The following SETD6 variants were observed in gnomAD, a reference collection of about 807,000 sequenced individuals.
The protein encoded by SETD6 is SET domain containing 6, protein lysine methyltransferase.
A neutral mutation model predicts 52.7 loss-of-function variants in SETD6; 67 were observed. The ratio of observed to expected loss-of-function variants is 1.27; its 90% CI spans 1.04 to 1.56. SETD6 has a LOEUF of 1.56. SETD6 is among the 40% of genes most tolerant of loss of function. The pLI is 0.00. For missense variants in SETD6, 712 were observed against 607.5 expected (o/e 1.17, Z -1.81); for synonymous variants, 307 against 250.2 (o/e 1.23, Z -2.14).
In SETD6 at chr16:58,516,658, T is replaced by C. The variant is rs776709426; in HGVS notation, c.657T>C (p.Leu219=). 35 of 1,613,668 alleles carry C rather than the reference T, an allele frequency of 2.2e-5. No individual in the cohort carries two copies. The highest frequency in any genetic ancestry group is 3.0e-5 in the Non-Finnish European group (35 of 1,179,836). ...SLELYHQLVA[L]VMAYSFQEPL... ...AACTCTACCACCAGCTGGTGGCCCT[T>C]GTGATGGCCTATAGGTCAGTGGGTG... Residue 219 remains leucine (L), a synonymous_variant, in exon 4 of 8, where the codon CTT becomes CTC. Coordinates refer to ENST00000219315, the MANE Select transcript of SETD6 (RefSeq NM_001160305.4).
Position 58,515,947 on chromosome 16 carries a change from G to C in SETD6, c.184G>C (p.Ala62Pro). 2.6e-6 allele frequency: 4 copies of C among 1,524,404 alleles called. No homozygotes were observed. The highest frequency in any genetic ancestry group is 3.5e-6 in the Non-Finnish European group (4 of 1,144,300). 94.4% of individuals were successfully genotyped at this position (1,524,404 alleles called of 1,614,324 possible). A position where few individuals can be genotyped will look rare whatever the true frequency, so the allele number is the denominator to read the frequency against. ...GARAALTSPPAQVAVSRQGTV... is the reference protein window; with the variant it reads ...GARAALTSPPPQVAVSRQGTV... ...GCGGGCTGCCCTGACCAGCCCTCCT[G>C]CTCAGGTGGCGGTCAGCCGGCAGGG... The change falls in exon 2 of 8, where the codon GCT (alanine) becomes CCT (proline). Residue 62 changes from alanine (A) to proline (P), a missense_variant. Physicochemically the swap from Ala to Pro is conservative, Grantham distance 27. Transcript: ENST00000219315.
Position 58,523,288 on chromosome 16 carries a change from A to G in SETD6, c.*4259A>G. Reference sequence around the variant, plus strand: ...CCAACCAAACGGATTTTCACTGAACACTGAAAGCATAAAGAGGAAAAAAAA... The same window carrying G: ...CCAACCAAACGGATTTTCACTGAACGCTGAAAGCATAAAGAGGAAAAAAAA... On this transcript the variant is annotated 3_prime_UTR_variant, in exon 8 of 8. Transcript: ENST00000219315. 1 of 1,414,026 alleles carries G rather than the reference A, an allele frequency of 7.1e-7. No homozygotes were observed. Among genetic ancestry groups the G allele is most frequent in the African/African-American group, 1.5e-5 (1 of 64,910 alleles). 87.6% of individuals were successfully genotyped at this position (1,414,026 alleles called of 1,614,324 possible).
chr16:58,522,190 G>A lies in SETD6; in HGVS notation c.*3161G>A, dbSNP rs1421566084. ...AAAAATTAGCCGGACGTGGTGGCAG[G>A]TGCCTGTAATCCCAGCTACTCAGGA... On this transcript the variant is annotated 3_prime_UTR_variant, in exon 8 of 8. Coordinates refer to ENST00000219315, the MANE Select transcript of SETD6 (RefSeq NM_001160305.4). Among the ~76,000 whole-genome samples the A allele has an allele frequency of 1.4e-5, 2 of 146,244 alleles. No individual in the cohort carries two copies. The highest frequency in any genetic ancestry group is 5.1e-5 in the African/African-American group (2 of 39,130).
chr16:58,522,163 C>A lies in SETD6; in HGVS notation c.*3134C>A, dbSNP rs2039408167. On this transcript the variant is annotated 3_prime_UTR_variant, in exon 8 of 8. Transcript: ENST00000219315. The stretch of plus-strand genomic sequence containing the variant: ...TGAAACCCCGTCTCTACTAAAAATA[C>A]AAAAAATTAGCCGGACGTGGTGGCA... 7.9e-6 allele frequency among the ~76,000 whole-genome samples: 1 copy of A among 127,276 alleles called. No homozygotes were observed. The highest frequency in any genetic ancestry group is 1.6e-5 in the Non-Finnish European group (1 of 63,052). The allele number at this position is 127,276 out of a possible 152,430, so 83.5% of individuals were successfully genotyped here.
intron 2 of SETD6, 50 bp from the exon 3 acceptor site, chr16:58,516,152 G>GGCGGGGCGGA: frequency 8.4e-7 from 1 of 1,190,414 alleles, no homozygotes; most frequent in Non-Finnish European, 1.1e-6. Flanking sequence ...GGCGGGGCGG[G>GGCGGGGCGGA]CCCGGCCCGC....
rs994402988 is a variant in SETD6, at chr16:58,523,152, C to T, written c.*4123C>T. ...CCCAGCTACTTGAGAGGCTAAGGCA[C>T]GAGAATCGCTTGAACCTGGGAGGCG... On this transcript the variant is annotated 3_prime_UTR_variant, in exon 8 of 8. Transcript: ENST00000219315. The T allele has an allele frequency of 3.4e-5, 11 of 321,440 alleles. 1 individual carries two copies. The highest frequency in any genetic ancestry group is 1.0e-4 in the East Asian group (2 of 19,276). The allele number at this position is 321,440 out of a possible 1,614,324, so 19.9% of individuals were successfully genotyped here. A position where few individuals can be genotyped will look rare whatever the true frequency, so the allele number is the denominator to read the frequency against.
At position 58,518,899 on chromosome 16, in the gene SETD6, T is replaced by G. The variant is rs1376796263; in HGVS notation, c.1292T>G (p.Leu431Ter). The change falls in exon 8 of 8, where the codon TTA becomes TGA. Residue 431 changes from leucine (L) to a stop codon, truncating the protein, a stop_gained. Coordinates refer to ENST00000219315, the MANE Select transcript of SETD6 (RefSeq NM_001160305.4). LOFTEE classifies it high-confidence loss of function. ...ACTTTGCAGACCTATGCCACAGACT[T>G]AAAAACTGACCAAGGTTTACTCAGT... Reference protein sequence around the residue: ...LLTLQTYATDLKTDQGLLSNK... With the variant: ...LLTLQTYATD The G allele has an allele frequency of 1.9e-6, 3 of 1,614,154 alleles. No homozygotes were observed. In the Admixed American group the frequency reaches 5.0e-5, roughly 27 times the overall value.
rs2039289067 is a variant in SETD6 at position 58,519,600 on chromosome 16, A to C, written c.*571A>C. On this transcript the variant is annotated 3_prime_UTR_variant, in exon 8 of 8. Coordinates refer to ENST00000219315, the MANE Select transcript of SETD6 (RefSeq NM_001160305.4). ...TTGACAGTCATGAAAGGTAAGGCAA[A>C]TTTTAAGTGGGTTAAGTTTTTAAAT... 6.6e-6 allele frequency: 1 copy of C among 152,096 alleles called. No homozygotes were observed. Among genetic ancestry groups the C allele is most frequent in the African/African-American group, 2.4e-5 (1 of 41,400 alleles). 9.4% of individuals were successfully genotyped at this position (152,096 alleles called of 1,614,324 possible).
In SETD6 at chr16:58,523,595, G is replaced by C. The variant is rs2039482320; in HGVS notation, c.*4566G>C. 7 of 1,172,124 alleles carry C rather than the reference G, an allele frequency of 6.0e-6. No individual in the cohort carries two copies. The highest frequency in any genetic ancestry group is 8.4e-6 in the Non-Finnish European group (7 of 834,718). 72.6% of individuals were successfully genotyped at this position (1,172,124 alleles called of 1,614,324 possible). On this transcript the variant is annotated 3_prime_UTR_variant, in exon 8 of 8. Coordinates refer to ENST00000219315, the MANE Select transcript of SETD6 (RefSeq NM_001160305.4). ...GGCTAGGGTTTGGGTTTCTGACAGA[G>C]GCTTTCAAATTAATCTTTGGTTTAA...
rs770108915 is a variant in SETD6, at chr16:58,516,362, G to T, written c.476+19G>T. On this transcript the variant is annotated intron_variant, in intron 3 of 7. Coordinates refer to ENST00000219315, the MANE Select transcript of SETD6 (RefSeq NM_001160305.4). ...TGTTCTGGTGAGAGCCTTGGGAGGGGTTGGGGAGCGCCTGCACCGTAGCCT... is the reference window on the plus strand; with the variant it reads ...TGTTCTGGTGAGAGCCTTGGGAGGGTTTGGGGAGCGCCTGCACCGTAGCCT... 2 of 1,609,186 alleles carry T rather than the reference G, an allele frequency of 1.2e-6. No homozygotes were observed. The highest frequency in any genetic ancestry group is 1.7e-6 in the Non-Finnish European group (2 of 1,179,634).
chr16:58,521,694 T>C lies in SETD6; in HGVS notation c.*2665T>C, dbSNP rs2039380973. 1.3e-5 allele frequency among the ~76,000 whole-genome samples: 2 copies of C among 152,204 alleles called. No individual in the cohort carries two copies. Among genetic ancestry groups the C allele is most frequent in the Admixed American group, 6.5e-5 (1 of 15,286 alleles). On this transcript the variant is annotated 3_prime_UTR_variant, in exon 8 of 8. Coordinates refer to ENST00000219315, the MANE Select transcript of SETD6 (RefSeq NM_001160305.4). ...CAGGCCGGGCACAGTGGCTCATGCC[T>C]GTAATCCAGCACTTTGGGAGGCCGA...
rs1369045668 is a variant in SETD6, at chr16:58,519,167, G to A, written c.*138G>A. On this transcript the variant is annotated 3_prime_UTR_variant, in exon 8 of 8. Coordinates refer to ENST00000219315, the MANE Select transcript of SETD6 (RefSeq NM_001160305.4). Reference sequence around the variant, plus strand: ...AGAGGAAAAGTAGCAAAGTTGGTGTGCTAGGATTAACTCAGGTAAGGGTGA... The same window carrying A: ...AGAGGAAAAGTAGCAAAGTTGGTGTACTAGGATTAACTCAGGTAAGGGTGA... 2.5e-5 allele frequency: 21 copies of A among 844,780 alleles called. No individual in the cohort carries two copies. In the Admixed American group the frequency reaches 5.6e-4, roughly 22 times the overall value. 52.3% of individuals were successfully genotyped at this position (844,780 alleles called of 1,614,324 possible).
rs2039286698 is a variant in SETD6 at position 58,519,514 on chromosome 16, C to CA, written c.*486dup. 6.3e-6 allele frequency: 1 copy of CA among 157,658 alleles called. No homozygotes were observed. Among genetic ancestry groups the CA allele is most frequent in the African/African-American group, 2.4e-5 (1 of 41,452 alleles). 9.8% of individuals were successfully genotyped at this position (157,658 alleles called of 1,614,324 possible). A position where few individuals can be genotyped will look rare whatever the true frequency, so the allele number is the denominator to read the frequency against. ...TCTCAGGGAATAAACCCTAAGACATCACTCAAGGAGGACTTCAATTATTTA... is the reference window on the plus strand; with the variant it reads ...TCTCAGGGAATAAACCCTAAGACATCAACTCAAGGAGGACTTCAATTATTTA... On this transcript the variant is annotated 3_prime_UTR_variant, in exon 8 of 8. Coordinates refer to ENST00000219315, the MANE Select transcript of SETD6 (RefSeq NM_001160305.4).
rs1013411723 is a variant in SETD6, at chr16:58,519,845, T to G, written c.*816T>G. The G allele has an allele frequency of 6.6e-6, 1 of 152,174 alleles. No individual in the cohort carries two copies. Among genetic ancestry groups the G allele is most frequent in the Non-Finnish European group, 1.5e-5 (1 of 68,052 alleles). The allele number at this position is 152,174 out of a possible 1,614,324, so 9.4% of individuals were successfully genotyped here. A position where few individuals can be genotyped will look rare whatever the true frequency, so the allele number is the denominator to read the frequency against. Reference sequence around the variant, plus strand: ...AATCAATCATTCAGCAAGAAGTTAGTTGGTGGTTCCCCATGGCCCCAAGGT... The same window carrying G: ...AATCAATCATTCAGCAAGAAGTTAGGTGGTGGTTCCCCATGGCCCCAAGGT... On this transcript the variant is annotated 3_prime_UTR_variant, in exon 8 of 8. Transcript: ENST00000219315.
At position 58,521,227 on chromosome 16, in the gene SETD6, C is replaced by T. The variant is rs372736100; in HGVS notation, c.*2198C>T. 383 of 1,614,014 alleles carry T rather than the reference C, an allele frequency of 2.4e-4. No individual in the cohort carries two copies. Among genetic ancestry groups the T allele is most frequent in the Non-Finnish European group, 3.1e-4 (361 of 1,180,036 alleles). ...AGTGTACAAATTCATGGTTCCAGAA[C>T]TTAAACGCTGGGTTTTTAATCAGCT... On this transcript the variant is annotated 3_prime_UTR_variant, in exon 8 of 8. Coordinates refer to ENST00000219315, the MANE Select transcript of SETD6 (RefSeq NM_001160305.4).
chr16:58,516,282 C>G lies in SETD6; in HGVS notation c.415C>G (p.Arg139Gly), dbSNP rs753781414. 1.0e-5 allele frequency: 16 copies of G among 1,603,544 alleles called. No individual in the cohort carries two copies. In the Middle Eastern group the frequency reaches 1.7e-3, roughly 174 times the overall value. The change falls in exon 3 of 8, where the codon CGC (arginine) becomes GGC (glycine). Residue 139 changes from arginine (R) to glycine (G), a missense_variant. Arg to Gly is a moderately radical substitution (Grantham distance 125, BLOSUM62 -2). Coordinates refer to ENST00000219315, the MANE Select transcript of SETD6 (RefSeq NM_001160305.4). ...CCACGAGCTGCAGGCCCCGGCCTCA[C>G]GCTGGAGGCCCTACTTTGCGCTCTG... Reference protein sequence around the residue: ...LLHELQAPASRWRPYFALWPE... With the variant: ...LLHELQAPASGWRPYFALWPE...
intron 5 of SETD6, chr16:58,517,141 A>G (rs2039194448): frequency 1.5e-6 from 1 of 647,846 alleles, no homozygotes; most frequent in Non-Finnish European, 2.7e-6. Flanking sequence ...AAACTATACT[A>G]CCATCATTTA....
In SETD6 at chr16:58,521,049, G is replaced by A. The variant is rs763622674; in HGVS notation, c.*2020G>A. 4 of 1,613,950 alleles carry A rather than the reference G, an allele frequency of 2.5e-6. No homozygotes were observed. The African/African-American group carries it at 4.0e-5, about 16-fold the overall frequency. On this transcript the variant is annotated 3_prime_UTR_variant, in exon 8 of 8. Transcript: ENST00000219315. ...CGACTGGAATAACCTGAAGGATGAAGACAGTTACAAATCTCTGATTAAAGA... is the reference window on the plus strand; with the variant it reads ...CGACTGGAATAACCTGAAGGATGAAAACAGTTACAAATCTCTGATTAAAGA...
intron 6 of SETD6, 48 bp downstream of exon 6, chr16:58,518,279 C>G: frequency 6.2e-7 from 1 of 1,609,480 alleles, no homozygotes; most frequent in Non-Finnish European, 8.5e-7. Context: ...TGTGTCTATA[C>G]CCATGCCTCA....
Sources: allele counts gnomAD v4.1 joint callset (sites outside exome capture counted in the v4.1 genomes callset), GRCh38; gene constraint gnomAD v4.1.1; transcripts MANE v1.5; gene names NCBI Gene and HGNC (gene_info 2026-07-23, HGNC 2026-07-21).